The following DTNA variants were observed in gnomAD, a reference collection of about 807,000 sequenced individuals.
DTNA encodes the protein dystrophin-related protein 3.
In DTNA, 43 loss-of-function variants were observed where a neutral mutation model predicts 100.7. The ratio of observed to expected loss-of-function variants is 0.43; its 90% CI spans 0.33 to 0.55. The LOEUF (loss-of-function observed/expected upper bound fraction) is 0.55. Among genes scored for constraint, DTNA ranks in the 20% least tolerant of loss-of-function variants. The pLI, the probability that DTNA is intolerant of heterozygous loss-of-function variation, is 0.04. For missense variants in DTNA, 798 were observed against 953.9 expected (o/e 0.84, Z 2.15); for synonymous variants, 349 against 347.9 (o/e 1.00, Z -0.04).
At chr18:34,703,076 T>G (rs865779991) in intron 1 of DTNA, among the ~76,000 whole-genome samples, 1 of 152,218 alleles carries the variant, frequency 6.6e-6, no homozygotes, top group African/African-American at 2.4e-5. Flanking sequence ...TCTTTACATA[T>G]GGTTGCTACA....
intron 1 of DTNA, among the ~76,000 whole-genome samples, chr18:34,626,793 C>T (rs191241995): frequency 1.1e-3 from 167 of 152,322 alleles, no homozygotes; most frequent in African/African-American, 3.7e-3. Flanking sequence ...CAGCCTGGGG[C>T]TGTCACATGT....
chr18:34,700,221 A>G (rs1320752163), intron 1 of DTNA, among the ~76,000 whole-genome samples: 1 of 152,170 alleles, frequency 6.6e-6, no homozygotes. Context: ...GACCCAATCA[A>G]TACCCTCATC....
chr18:34,727,528 T>C (rs1050620469), intron 1 of DTNA, among the ~76,000 whole-genome samples: 1 of 152,128 alleles, frequency 6.6e-6, no homozygotes, highest in Non-Finnish European at 1.5e-5. Flanking sequence ...TTAAATAAAT[T>C]ATGGAACATC....
rs955222326 is a variant in DTNA, at chr18:34,838,092, A to G, written c.1176-2A>G. 1.2e-6 allele frequency: 2 copies of G among 1,613,724 alleles called. No homozygotes were observed. The highest frequency in any genetic ancestry group is 1.7e-6 in the Non-Finnish European group (2 of 1,179,770). ...TCTTGGCTTTCCCATCTTATTAACT[A>G]GCTCTCCTCCCAAGGACAGTGAAGT... On this transcript the variant is annotated splice_acceptor_variant, in intron 11 of 22. Transcript: ENST00000444659. LOFTEE classifies it high-confidence loss of function.
At chr18:34,652,863 C>G (rs1231974380) in intron 1 of DTNA, among the ~76,000 whole-genome samples, 1 of 152,136 alleles carries the variant, frequency 6.6e-6, no homozygotes, top group African/African-American at 2.4e-5. Context: ...TCGGGTAATG[C>G]CCATCACCCT....
At chr18:34,717,947 A>G (rs901590310) in intron 1 of DTNA, among the ~76,000 whole-genome samples, 1 of 152,236 alleles carries the variant, frequency 6.6e-6, no homozygotes, top group Non-Finnish European at 1.5e-5. Flanking sequence ...ATCCAGAACA[A>G]GTATGAGGGA....
intron 1 of DTNA, among the ~76,000 whole-genome samples, chr18:34,622,891 A>G (rs2056756888): frequency 6.6e-6 from 1 of 152,106 alleles, no homozygotes. Context: ...ATGTCTTGGA[A>G]CTTCTCAGCC....
intron 1 of DTNA, among the ~76,000 whole-genome samples, chr18:34,625,277 C>T (rs2057159691): frequency 6.6e-6 from 1 of 152,190 alleles, no homozygotes; most frequent in African/African-American, 2.4e-5. Context: ...AGTCCACCTG[C>T]CTCGGCCTCC....
intron 16 of DTNA, among the ~76,000 whole-genome samples, chr18:34,862,140 A>AAAAAAAAAAAAAAAAAAAAG (rs1555881848): frequency 6.8e-6 from 1 of 146,928 alleles, no homozygotes; most frequent in African/African-American, 2.6e-5. Context: ...AAAAAAAAAA[A>AAAAAAAAAAAAAAAAAAAAG]AAAGAGAAAG....
intron 1 of DTNA, among the ~76,000 whole-genome samples, chr18:34,649,653 C>T (rs2060228720): frequency 6.6e-6 from 1 of 152,148 alleles, no homozygotes; most frequent in African/African-American, 2.4e-5. Flanking sequence ...TTGGTTGTTT[C>T]TGCCAAACAC....
At chr18:34,546,050 T>G (rs1362904484) in intron 1 of DTNA, among the ~76,000 whole-genome samples, 2 of 152,000 alleles carry the variant, frequency 1.3e-5, no homozygotes, top group Non-Finnish European at 2.9e-5. Context: ...GGAAGAATGT[T>G]TAAAATACAA....
intron 2 of DTNA, among the ~76,000 whole-genome samples, chr18:34,757,537 T>C (rs1033181751): frequency 6.6e-6 from 1 of 152,220 alleles, no homozygotes; most frequent in Non-Finnish European, 1.5e-5. Flanking sequence ...TATAAAAGTA[T>C]GCTTATTCAA....
At position 34,710,340 on chromosome 18, in the gene DTNA, G is replaced by GA. The variant is rs1160730382; in HGVS notation, c.-106dup. On this transcript the variant is annotated 5_prime_UTR_variant, in exon 1 of 23. Coordinates refer to ENST00000444659, the MANE Select transcript of DTNA (RefSeq NM_001386795.1). ...TTTATTGAAGTTAAAGGTTACTTTG[G>GA]AGTTTGTTTGGAAATGTGTAAGGTC... 1 of 152,188 alleles carries GA rather than the reference G, an allele frequency of 6.6e-6. No homozygotes were observed. The highest frequency in any genetic ancestry group is 1.5e-5 in the Non-Finnish European group (1 of 68,040). 9.4% of individuals were successfully genotyped at this position (152,188 alleles called of 1,614,324 possible).
chr18:34,661,737 A>G (rs1056063072), intron 1 of DTNA, among the ~76,000 whole-genome samples: 7 of 152,144 alleles, frequency 4.6e-5, no homozygotes, highest in African/African-American at 1.7e-4. Flanking sequence ...TTGCCCCAAG[A>G]TAGGAGAGGT....
At chr18:34,772,870 T>C (rs2093852184) in intron 3 of DTNA, among the ~76,000 whole-genome samples, 1 of 152,360 alleles carries the variant, frequency 6.6e-6, no homozygotes, top group Admixed American at 6.5e-5. Context: ...ATTCTCATGT[T>C]GGGATCAAGG....
intron 1 of DTNA, among the ~76,000 whole-genome samples, chr18:34,753,357 A>T (rs201928250): frequency 5.0e-4 from 1 of 2,016 alleles, no homozygotes; most frequent in African/African-American, 1.0e-3. Flanking sequence ...TTATTTATTT[A>T]TTTATTTTAT....
intron 1 of DTNA, among the ~76,000 whole-genome samples, chr18:34,514,820 C>T (rs889930138): frequency 3.3e-5 from 5 of 151,934 alleles, no homozygotes; most frequent in Non-Finnish European, 7.4e-5. Flanking sequence ...AAGGTTTTGT[C>T]CTCATGACCT....
intron 1 of DTNA, among the ~76,000 whole-genome samples, chr18:34,506,722 C>T (rs1361193717): frequency 3.3e-5 from 5 of 152,152 alleles, no homozygotes; most frequent in Admixed American, 6.5e-5. Context: ...AGGCAACACA[C>T]GATTCCAGGG....
At chr18:34,715,709 A>G (rs1037179682) in intron 1 of DTNA, among the ~76,000 whole-genome samples, 3 of 152,122 alleles carry the variant, frequency 2.0e-5, no homozygotes, top group Non-Finnish European at 2.9e-5. Context: ...AAAATCATAA[A>G]GGAATGGTAA....
Sources: allele counts gnomAD v4.1 joint callset (sites outside exome capture counted in the v4.1 genomes callset), GRCh38; gene constraint gnomAD v4.1.1; transcripts MANE v1.5; gene names NCBI Gene and HGNC (gene_info 2026-07-23, HGNC 2026-07-21).